The following PLXNA4 variants were observed in gnomAD, a reference collection of about 807,000 sequenced individuals.
The protein encoded by PLXNA4 is plexin-A4.
In PLXNA4, 44 loss-of-function variants were observed where a neutral mutation model predicts 191.8. The observed-to-expected ratio is 0.23, with a 90% CI of 0.18 to 0.29. The LOEUF (loss-of-function observed/expected upper bound fraction) is 0.29. Ranked by LOEUF, PLXNA4 falls within the 10% of genes least tolerant of loss-of-function variation. The probability of loss-of-function intolerance (pLI) is 1.00; values close to 1 mark genes in which losing one functional copy is unlikely to be tolerated. For missense variants in PLXNA4, 1,800 were observed against 2,488.8 expected (o/e 0.72, Z 5.89); for synonymous variants, 1,082 against 1,009.5 (o/e 1.07, Z -1.36).
intron 30 of PLXNA4, among the ~76,000 whole-genome samples, chr7:132,137,551 A>G (rs918454155): frequency 6.6e-6 from 1 of 152,256 alleles, no homozygotes; most frequent in African/African-American, 2.4e-5. Context: ...TGCTAATTGG[A>G]AACCAAGAGA....
At chr7:132,399,950 G>T (rs1481189744) in intron 3 of PLXNA4, among the ~76,000 whole-genome samples, 2 of 151,970 alleles carry the variant, frequency 1.3e-5, no homozygotes, top group African/African-American at 4.8e-5. Flanking sequence ...ACTTTCATGG[G>T]CATGAAAGGG....
chr7:132,469,010 C>T (rs1017498610), intron 3 of PLXNA4, among the ~76,000 whole-genome samples: 2 of 150,716 alleles, frequency 1.3e-5, no homozygotes, highest in Admixed American at 6.6e-5. Context: ...ATGTTAGTAC[C>T]AAGGGCTTCC....
intron 4 of PLXNA4, among the ~76,000 whole-genome samples, chr7:132,288,494 C>G (rs550701772): frequency 1.4e-4 from 22 of 152,292 alleles, no homozygotes; most frequent in Admixed American, 1.2e-3. Flanking sequence ...AACATTGAGA[C>G]AGCTTTTCTG....
At chr7:132,562,360 C>T (rs1801220826) in intron 1 of PLXNA4, among the ~76,000 whole-genome samples, 1 of 99,060 alleles carries the variant, frequency 1.0e-5, no homozygotes, top group African/African-American at 3.4e-5. Flanking sequence ...CTTCCTCCTC[C>T]TCCTCTGCCT....
intron 3 of PLXNA4, among the ~76,000 whole-genome samples, chr7:132,475,359 CAT>C (rs1797082851): frequency 6.6e-6 from 1 of 152,200 alleles, no homozygotes; most frequent in African/African-American, 2.4e-5. Flanking sequence ...CCCATACTCA[CAT>C]GTGTTCACAG....
intron 3 of PLXNA4, among the ~76,000 whole-genome samples, chr7:132,415,903 A>T (rs1300675083): frequency 2.0e-5 from 3 of 152,246 alleles, no homozygotes; most frequent in Non-Finnish European, 4.4e-5. Context: ...GGAAGAAATG[A>T]ACAGATAAGT....
intron 4 of PLXNA4, among the ~76,000 whole-genome samples, chr7:132,246,395 T>C (rs552925282): frequency 6.6e-6 from 1 of 152,364 alleles, no homozygotes; most frequent in African/African-American, 2.4e-5. Flanking sequence ...GGATACCTGT[T>C]TCCTGATTTG....
Position 132,583,801 on chromosome 7 carries a change from A to G in PLXNA4, c.-87+62127T>C, listed in dbSNP as rs150675461. 5.7e-3 allele frequency among the ~76,000 whole-genome samples: 862 copies of G among 152,238 alleles called. 7 individuals are homozygous for G. The highest frequency in any genetic ancestry group is 0.038 in the Middle Eastern group (11 of 292). On this transcript the variant is annotated intron_variant, in intron 2 of 4. Transcript: ENST00000378539. ...TCCTAACGCACGCCTGCTGACTGTA[A>G]CCTTCACAAATGTGAGATGTCCCTT...
intron 1 of PLXNA4, among the ~76,000 whole-genome samples, chr7:132,511,309 CT>C (rs992079514): frequency 2.6e-5 from 4 of 152,168 alleles, no homozygotes; most frequent in Non-Finnish European, 5.9e-5. Flanking sequence ...GGTGAGGAAA[CT>C]TTAGCTCTGC....
Position 132,140,631 on chromosome 7 carries a change from C to T in PLXNA4, c.5406G>A (p.Lys1802=). 6.2e-7 allele frequency: 1 copy of T among 1,614,116 alleles called. No homozygotes were observed. The highest frequency in any genetic ancestry group is 1.7e-4 in the Middle Eastern group (1 of 6,034). Residue 1802 remains lysine, a synonymous_variant, in exon 30 of 32, where the codon AAG becomes AAA. Coordinates refer to ENST00000321063, the MANE Select transcript of PLXNA4 (RefSeq NM_020911.2). ...DSPSNKLLYA[K]DIPSYKNWVE... The stretch of plus-strand genomic sequence containing the variant: ...CCCAATTCTTGTAGCTGGGGATGTC[C>T]TTGGCATACAGCAGCTTGTTGGAGG...
intron 2 of PLXNA4, among the ~76,000 whole-genome samples, chr7:132,616,065 A>G (rs1803152805): frequency 6.6e-6 from 1 of 151,906 alleles, no homozygotes. Flanking sequence ...CAGCCACACC[A>G]GGAAAAGCAA....
chr7:132,471,303 A>G (rs1249152326), intron 3 of PLXNA4, among the ~76,000 whole-genome samples: 1 of 152,182 alleles, frequency 6.6e-6, no homozygotes, highest in Non-Finnish European at 1.5e-5. Context: ...ATCCAGCCTC[A>G]GGTATTTCTT....
At chr7:132,217,125 C>T (rs1013176476) in intron 9 of PLXNA4, among the ~76,000 whole-genome samples, 4 of 152,198 alleles carry the variant, frequency 2.6e-5, no homozygotes, top group African/African-American at 9.7e-5. Context: ...GGTCAACTGT[C>T]CAGCCCCATG....
intron 25 of PLXNA4, among the ~76,000 whole-genome samples, chr7:132,151,486 G>A (rs924761054): frequency 1.7e-5 from 1 of 59,716 alleles, no homozygotes; most frequent in African/African-American, 5.1e-5. Flanking sequence ...AGGAGGAGGA[G>A]GAAGAAGAAG....
chr7:132,493,743 ATGGG>A (rs755259524), intron 2 of PLXNA4, among the ~76,000 whole-genome samples: 5 of 140,818 alleles, frequency 3.6e-5, no homozygotes, highest in Non-Finnish European at 7.8e-5. Flanking sequence ...GGATGGGTGG[ATGGG>A]TGGATGGATG....
intron 2 of PLXNA4, chr7:132,645,811 T>A (rs1270431541): frequency 6.6e-6 from 1 of 152,388 alleles, no homozygotes; most frequent in Non-Finnish European, 1.5e-5. Flanking sequence ...GCGAAAGCAG[T>A]AAGAGCTAGA....
intron 8 of PLXNA4, 114 bp from the exon 9 acceptor site, chr7:132,223,755 G>T: frequency 1.3e-6 from 1 of 755,508 alleles, no homozygotes; most frequent in Non-Finnish European, 2.3e-6. Context: ...AACCACCGTT[G>T]AATGTGCAGG....
At chr7:132,547,294 T>C (rs770064739) in intron 1 of PLXNA4, among the ~76,000 whole-genome samples, 5 of 152,192 alleles carry the variant, frequency 3.3e-5, no homozygotes, top group Non-Finnish European at 5.9e-5. Flanking sequence ...GAGATTTAAG[T>C]ACATTTGCCC....
At chr7:132,429,594 A>AT (rs879878240) in intron 3 of PLXNA4, among the ~76,000 whole-genome samples, 4 of 152,112 alleles carry the variant, frequency 2.6e-5, no homozygotes, top group Admixed American at 2.6e-4. Context: ...TGTTCTTTTG[A>AT]TTTTTTTCAA....
Sources: allele counts gnomAD v4.1 joint callset (sites outside exome capture counted in the v4.1 genomes callset), GRCh38; gene constraint gnomAD v4.1.1; transcripts MANE v1.5; gene names NCBI Gene and HGNC (gene_info 2026-07-23, HGNC 2026-07-21).